The following RBMS2 variants were observed in gnomAD, a reference collection of about 807,000 sequenced individuals.
The protein encoded by RBMS2 is RNA-binding motif, single-stranded-interacting protein 2.
A neutral mutation model predicts 58.4 loss-of-function variants in RBMS2; 38 were observed. The observed-to-expected ratio is 0.65, with a 90% CI of 0.50 to 0.85. The LOEUF (loss-of-function observed/expected upper bound fraction) is 0.85. RBMS2 is among the 40% of genes least tolerant of loss of function. The pLI is 0.00. For synonymous variants in RBMS2, 151 were observed against 180.7 expected, an observed-to-expected ratio of 0.84 and a Z score of 1.32; for missense variants, 367 against 503.7, an observed-to-expected ratio of 0.73 and a Z score of 2.60.
Position 56,531,016 on chromosome 12 carries a change from T to C in RBMS2, c.66+8927T>C, listed in dbSNP as rs911806942. Among the ~76,000 whole-genome samples, 8 of 152,242 alleles carry C rather than the reference T, an allele frequency of 5.3e-5. No individual in the cohort carries two copies. In the East Asian group the frequency reaches 1.5e-3, roughly 29 times the overall value. On this transcript the variant is annotated intron_variant, in intron 1 of 13. Coordinates refer to ENST00000262031, the MANE Select transcript of RBMS2 (RefSeq NM_002898.4). ...AAGTTCAGTTGAAAATTACCTCTTA[T>C]ATAAAGCTTCTGCTAATCCCTCCAT...
chr12:56,568,837 C>G, intron 2 of RBMS2, 138 bp from the exon 3 acceptor site: 1 of 753,562 alleles, frequency 1.3e-6, no homozygotes. Context: ...GCCCCCGTTT[C>G]TTTTTTATTT....
intron 5 of RBMS2, among the ~76,000 whole-genome samples, chr12:56,575,904 A>G (rs1403834997): frequency 6.6e-6 from 1 of 152,090 alleles, no homozygotes; most frequent in African/African-American, 2.4e-5. Context: ...CAAAGAAAAA[A>G]AAAAAAATAG....
rs1357866072 is a variant in RBMS2 at position 56,571,550 on chromosome 12, T to G, written c.385-148T>G. 5 of 770,106 alleles carry G rather than the reference T, an allele frequency of 6.5e-6. No individual in the cohort carries two copies. In the East Asian group the frequency reaches 1.5e-4, roughly 23 times the overall value. The allele number at this position is 770,106 out of a possible 1,614,324, so 47.7% of individuals were successfully genotyped here. ...GAACTCAATATACAACCCGTGGTAG[T>G]GGGACTGGGTGTTAACAAATAGAAT... On this transcript the variant is annotated intron_variant, in intron 4 of 13. Coordinates refer to ENST00000262031, the MANE Select transcript of RBMS2 (RefSeq NM_002898.4).
intron 9 of RBMS2, among the ~76,000 whole-genome samples, chr12:56,585,142 A>T (rs1285726065): frequency 2.0e-5 from 3 of 152,190 alleles, no homozygotes; most frequent in Non-Finnish European, 4.4e-5. Flanking sequence ...GTCTTAATTT[A>T]AAAAAGTATT....
chr12:56,592,233 C>T lies in RBMS2; in HGVS notation c.*3100C>T, dbSNP rs1484039665. ...CTTACTCTCTTTGTACTTTACATCT[C>T]ACCCCCACTCATTACAGATGCTCAT... On this transcript the variant is annotated 3_prime_UTR_variant, in exon 14 of 14. Coordinates refer to ENST00000262031, the MANE Select transcript of RBMS2 (RefSeq NM_002898.4). The T allele has an allele frequency of 6.6e-6, 1 of 152,210 alleles. No individual in the cohort carries two copies. The highest frequency in any genetic ancestry group is 1.5e-5 in the Non-Finnish European group (1 of 68,064). 9.4% of individuals were successfully genotyped at this position (152,210 alleles called of 1,614,324 possible). A position where few individuals can be genotyped will look rare whatever the true frequency, so the allele number is the denominator to read the frequency against.
chr12:56,577,816 G>A (rs1012420215), intron 5 of RBMS2, among the ~76,000 whole-genome samples: 3 of 151,908 alleles, frequency 2.0e-5, no homozygotes, highest in Admixed American at 6.6e-5. Flanking sequence ...CCAAGTAGCC[G>A]GGACCACTGG....
chr12:56,535,557 G>A (rs1874628897), intron 1 of RBMS2, among the ~76,000 whole-genome samples: 1 of 151,676 alleles, frequency 6.6e-6, no homozygotes, highest in Admixed American at 6.6e-5. Context: ...CCGTATGACG[G>A]AACTCTCAAC....
chr12:56,558,163 C>T (rs1347912089), intron 1 of RBMS2, among the ~76,000 whole-genome samples: 1 of 136,166 alleles, frequency 7.3e-6, no homozygotes, highest in East Asian at 2.2e-4. Flanking sequence ...TTCTCCTGCC[C>T]CAGCCTCCCG....
intron 9 of RBMS2, among the ~76,000 whole-genome samples, chr12:56,585,248 A>G (rs1172343885): frequency 6.6e-6 from 1 of 152,258 alleles, no homozygotes; most frequent in Admixed American, 6.5e-5. Flanking sequence ...TGTGTATGGC[A>G]TAAGATAGGA....
rs943246166 is a variant in RBMS2, at chr12:56,595,484, A to G, written c.*6351A>G. 6.6e-6 allele frequency: 1 copy of G among 152,134 alleles called. No homozygotes were observed. The highest frequency in any genetic ancestry group is 2.4e-5 in the African/African-American group (1 of 41,426). The allele number at this position is 152,134 out of a possible 1,614,324, so 9.4% of individuals were successfully genotyped here. A position where few individuals can be genotyped will look rare whatever the true frequency, so the allele number is the denominator to read the frequency against. On this transcript the variant is annotated 3_prime_UTR_variant, in exon 14 of 14. Coordinates refer to ENST00000262031, the MANE Select transcript of RBMS2 (RefSeq NM_002898.4). ...ACATCTATGCCAATGCCACCATTCT[A>G]AAACTTACACTCCTTTTCTACCCCT...
intron 1 of RBMS2, among the ~76,000 whole-genome samples, chr12:56,527,321 T>C (rs1299292066): frequency 6.6e-6 from 1 of 152,086 alleles, no homozygotes; most frequent in Non-Finnish European, 1.5e-5. Flanking sequence ...TGGTTAAAGT[T>C]TAGTGGTAGG....
intron 1 of RBMS2, among the ~76,000 whole-genome samples, chr12:56,528,308 A>G (rs150743469): frequency 4.1e-4 from 62 of 151,904 alleles, no homozygotes; most frequent in Non-Finnish European, 7.9e-4. Context: ...GAAGATGAGG[A>G]TTGAAGAATA....
intron 11 of RBMS2, 100 bp from the exon 12 acceptor site, chr12:56,588,194 G>C (rs1884941283): frequency 1.1e-6 from 1 of 919,022 alleles, no homozygotes; most frequent in East Asian, 2.4e-5. Flanking sequence ...AGAATCTCTG[G>C]GGTAGAATAC....
intron 2 of RBMS2, among the ~76,000 whole-genome samples, chr12:56,564,961 G>A (rs1471255038): frequency 2.6e-5 from 4 of 152,012 alleles, no homozygotes; most frequent in African/African-American, 9.7e-5. Context: ...GTAGTGAGCC[G>A]AGATCACGCC....
chr12:56,553,310 C>G (rs1878614788), intron 1 of RBMS2, among the ~76,000 whole-genome samples: 1 of 151,608 alleles, frequency 6.6e-6, no homozygotes, highest in South Asian at 2.1e-4. Context: ...CACCATCATG[C>G]CTGGCTAATT....
At chr12:56,533,708 G>A (rs548265305) in intron 1 of RBMS2, among the ~76,000 whole-genome samples, 215 of 151,998 alleles carry the variant, frequency 1.4e-3, no homozygotes, top group Middle Eastern at 6.8e-3. Context: ...GAGCCACTGC[G>A]CCCAGCAGCC....
At chr12:56,525,163 T>C (rs143924851) in intron 1 of RBMS2, among the ~76,000 whole-genome samples, 141 of 152,312 alleles carry the variant, frequency 9.3e-4, no homozygotes, top group African/African-American at 3.1e-3. Flanking sequence ...GAAAGGGTTG[T>C]AGATGCATTT....
At chr12:56,569,175 T>G (rs1187494671) in intron 3 of RBMS2, 142 bp downstream of exon 3, 10 of 783,398 alleles carry the variant, frequency 1.3e-5, no homozygotes, top group Non-Finnish European at 1.8e-5. Flanking sequence ...GATTAGGAGA[T>G]ATTTAGATTC....
intron 1 of RBMS2, among the ~76,000 whole-genome samples, chr12:56,560,750 C>A (rs555379791): frequency 6.6e-6 from 1 of 151,988 alleles, no homozygotes; most frequent in African/African-American, 2.4e-5. Context: ...CAAAGTGATT[C>A]TTTTTAAAAT....
Sources: allele counts gnomAD v4.1 joint callset (sites outside exome capture counted in the v4.1 genomes callset), GRCh38; gene constraint gnomAD v4.1.1; transcripts MANE v1.5; gene names NCBI Gene and HGNC (gene_info 2026-07-23, HGNC 2026-07-21).